TDRD9: variants seen among roughly 807,000 people sequenced by gnomAD.
The protein encoded by TDRD9 is tudor domain containing 9, also known as ATP-dependent RNA helicase TDRD9.
TDRD9 carries 124 observed loss-of-function variants against 172.6 expected under a neutral mutation model. The ratio of observed to expected loss-of-function variants is 0.72; its 90% CI spans 0.62 to 0.83. The LOEUF (loss-of-function observed/expected upper bound fraction) is 0.83. Ranked by LOEUF, TDRD9 falls within the 40% of genes least tolerant of loss-of-function variation. The pLI is 0.00. For missense variants in TDRD9, 1,479 were observed against 1,714.1 expected (o/e 0.86, Z 2.42); for synonymous variants, 619 against 617.1 (o/e 1.00, Z -0.05).
intron 8 of TDRD9, among the ~76,000 whole-genome samples, chr14:103,988,003 T>A (rs1024233895): frequency 1.3e-5 from 2 of 152,226 alleles, no homozygotes; most frequent in Non-Finnish European, 2.9e-5. Flanking sequence ...AAAATGCACC[T>A]CTTATCTCTC....
chr14:103,992,764 A>G (rs1410989556), intron 9 of TDRD9, among the ~76,000 whole-genome samples: 1 of 151,924 alleles, frequency 6.6e-6, no homozygotes, highest in African/African-American at 2.4e-5. Flanking sequence ...TTTACTGAAA[A>G]TACAAAAAAA....
chr14:104,036,410 C>T (rs1055745877), intron 32 of TDRD9, among the ~76,000 whole-genome samples: 16 of 152,138 alleles, frequency 1.1e-4, no homozygotes, highest in Non-Finnish European at 1.8e-4. Flanking sequence ...CTTGGAGCCT[C>T]GGTGGGGAGA....
intron 34 of TDRD9, among the ~76,000 whole-genome samples, chr14:104,043,304 C>T (rs144656767): frequency 0.01 from 1,519 of 151,386 alleles, 8 homozygotes; most frequent in Non-Finnish European, 0.016. Flanking sequence ...TGCGATGGCA[C>T]GATTGCAGCT....
chr14:103,989,663 G>A (rs2033798357), intron 8 of TDRD9, among the ~76,000 whole-genome samples: 1 of 152,228 alleles, frequency 6.6e-6, no homozygotes, highest in Admixed American at 6.5e-5. Flanking sequence ...CCAGGGAATG[G>A]TGCCATATTT....
intron 33 of TDRD9, 111 bp downstream of exon 33, chr14:104,040,445 T>G: frequency 8.4e-7 from 1 of 1,196,886 alleles, no homozygotes; most frequent in Non-Finnish European, 1.1e-6. Flanking sequence ...CACACACCTC[T>G]GGTCCTGGAG....
At chr14:103,944,572 C>T in intron 1 of TDRD9, among the ~76,000 whole-genome samples, 1 of 104,272 alleles carries the variant, frequency 9.6e-6, no homozygotes, top group South Asian at 3.7e-4. Context: ...CGCCCCCCAC[C>T]CTTTTTTTTT....
At chr14:104,051,000 A>G (rs539407656) in intron 35 of TDRD9, among the ~76,000 whole-genome samples, 2 of 152,304 alleles carry the variant, frequency 1.3e-5, no homozygotes, top group South Asian at 4.1e-4. Context: ...CAAGGGGTAC[A>G]TGTGCAGCTT....
chr14:104,009,158 T>C (rs759943803), intron 20 of TDRD9, among the ~76,000 whole-genome samples: 2 of 152,198 alleles, frequency 1.3e-5, no homozygotes, highest in Non-Finnish European at 2.9e-5. Context: ...TTGAACACTG[T>C]AGGCAATTAC....
At chr14:103,942,522 T>C (rs1176255227) in intron 1 of TDRD9, among the ~76,000 whole-genome samples, 1 of 152,138 alleles carries the variant, frequency 6.6e-6, no homozygotes, top group Non-Finnish European at 1.5e-5. Flanking sequence ...CGAGCTAGAG[T>C]GAAGACTGTC....
At chr14:104,010,100 C>G (rs1008957148) in intron 20 of TDRD9, among the ~76,000 whole-genome samples, 4 of 152,004 alleles carry the variant, frequency 2.6e-5, no homozygotes, top group African/African-American at 9.7e-5. Context: ...TGTGCGTCAC[C>G]ACGCTTGGCT....
In TDRD9 at chr14:104,035,065, A is replaced by T; in HGVS notation, c.3716+9A>T. 6.5e-7 allele frequency: 1 copy of T among 1,549,186 alleles called. No homozygotes were observed. Among genetic ancestry groups the T allele is most frequent in the African/African-American group, 1.4e-5 (1 of 73,098 alleles). On this transcript the variant is annotated intron_variant, in intron 32 of 35. Coordinates refer to ENST00000409874, the MANE Select transcript of TDRD9 (RefSeq NM_153046.3). ...CCGGTGATAGAGTTAAGGTACGGGC[A>T]TCCCTCTTGTCTATAGGCTTTGTAA...
At chr14:104,041,716 C>T (rs1175424658) in intron 33 of TDRD9, among the ~76,000 whole-genome samples, 4 of 152,270 alleles carry the variant, frequency 2.6e-5, no homozygotes, top group South Asian at 2.1e-4. Flanking sequence ...GCAGGGGGAC[C>T]GGGGACCTTT....
intron 34 of TDRD9, among the ~76,000 whole-genome samples, chr14:104,047,386 C>T (rs905207641): frequency 1.3e-5 from 2 of 151,912 alleles, no homozygotes; most frequent in Non-Finnish European, 2.9e-5. Flanking sequence ...CTTAGGATTT[C>T]CTACATACAA....
intron 1 of TDRD9, among the ~76,000 whole-genome samples, chr14:103,934,058 C>T (rs2030584555): frequency 6.6e-6 from 1 of 152,046 alleles, no homozygotes; most frequent in South Asian, 2.1e-4. Context: ...CTCTGTCACC[C>T]AGGCTGGAGT....
intron 34 of TDRD9, among the ~76,000 whole-genome samples, chr14:104,044,671 T>C (rs1244335807): frequency 6.6e-6 from 1 of 152,264 alleles, no homozygotes; most frequent in Admixed American, 6.5e-5. Flanking sequence ...TATGCCACTT[T>C]TTTAATCCAT....
At chr14:103,999,636 TTTTTAGAAAAC>T (rs2034184053) in intron 13 of TDRD9, among the ~76,000 whole-genome samples, 53 of 128,714 alleles carry the variant, frequency 4.1e-4, no homozygotes, top group African/African-American at 5.4e-4. Context: ...TTTTGTTTGT[TTTTTAGAAAAC>T]CTTTTGGGAA....
At chr14:104,046,846 C>T (rs111293912) in intron 34 of TDRD9, among the ~76,000 whole-genome samples, 7,295 of 152,230 alleles carry the variant, frequency 0.048, 254 homozygotes, top group East Asian at 0.069. Context: ...CGGGGTTTCA[C>T]TGTGTTCGCC....
chr14:103,936,472 C>T (rs1461525014), intron 1 of TDRD9, among the ~76,000 whole-genome samples: 43 of 152,160 alleles, frequency 2.8e-4, no homozygotes, highest in Admixed American at 2.8e-3. Context: ...CTCATGCAGT[C>T]CTGTCTTGAT....
intron 8 of TDRD9, among the ~76,000 whole-genome samples, chr14:103,987,126 A>ACG (rs1491089293): frequency 5.8e-4 from 34 of 58,274 alleles, no homozygotes; most frequent in South Asian, 8.5e-4. Context: ...AAATATATAC[A>ACG]CACACACACA....
Sources: gnomAD v4.1 joint callset for allele counts (sites outside exome capture counted in the v4.1 genomes callset) on GRCh38, gnomAD v4.1.1 for gene constraint, MANE v1.5 for transcripts, NCBI Gene and HGNC (gene_info 2026-07-23, HGNC 2026-07-21) for gene names.